HECW1: variants seen among roughly 807,000 people sequenced by gnomAD.
HECW1 encodes the protein E3 ubiquitin-protein ligase HECW1.
In HECW1, 61 loss-of-function variants were observed where a neutral mutation model predicts 182.3. The observed-to-expected ratio is 0.33, with a 90% CI of 0.27 to 0.41. The LOEUF (loss-of-function observed/expected upper bound fraction) is 0.41, where lower values mean the gene tolerates loss of function less well. HECW1 is among the 10% of genes least tolerant of loss of function. HECW1 has a pLI of 1.00. For synonymous variants in HECW1, 859 were observed against 832.6 expected (o/e 1.03, Z -0.55); for missense variants, 1,739 against 2,108.9 (o/e 0.82, Z 3.44).
intron 6 of HECW1, among the ~76,000 whole-genome samples, chr7:43,361,459 C>A (rs185374567): frequency 8.8e-4 from 134 of 152,214 alleles, no homozygotes; most frequent in African/African-American, 3.1e-3. Context: ...CCTGGAAAGA[C>A]CAGAATCTCT....
intron 23 of HECW1, 137 bp from the exon 24 acceptor site, chr7:43,508,832 T>G (rs1439410134): frequency 1.3e-6 from 1 of 781,890 alleles, no homozygotes; most frequent in African/African-American, 1.7e-5. Flanking sequence ...CCATTGGCAT[T>G]CACTCCAAAG....
At chr7:43,478,901 T>G (rs2078318738) in intron 16 of HECW1, among the ~76,000 whole-genome samples, 2 of 152,178 alleles carry the variant, frequency 1.3e-5, no homozygotes, top group African/African-American at 4.8e-5. Context: ...TTGAATAAAG[T>G]ATTATAGTCA....
intron 7 of HECW1, among the ~76,000 whole-genome samples, chr7:43,404,560 G>A (rs2075539023): frequency 6.6e-6 from 1 of 152,238 alleles, no homozygotes; most frequent in Non-Finnish European, 1.5e-5. Context: ...TGTTGGTGCA[G>A]ATGTGGACAA....
At chr7:43,345,585 C>G (rs2152802995) in intron 5 of HECW1, among the ~76,000 whole-genome samples, 1 of 152,210 alleles carries the variant, frequency 6.6e-6, no homozygotes, top group East Asian at 1.9e-4. Flanking sequence ...GATCCCCTCT[C>G]ACTCTTCCCC....
At chr7:43,457,810 A>G (rs536475153) in intron 13 of HECW1, among the ~76,000 whole-genome samples, 30 of 152,236 alleles carry the variant, frequency 2.0e-4, no homozygotes, top group African/African-American at 7.2e-4. Flanking sequence ...ATGGAAACAA[A>G]AAAATAAAAA....
intron 24 of HECW1, among the ~76,000 whole-genome samples, chr7:43,537,070 G>T (rs978046737): frequency 4.7e-4 from 72 of 152,176 alleles, no homozygotes; most frequent in African/African-American, 1.5e-3. Context: ...GAAAAAGAGG[G>T]GAGCAGTGCT....
intron 27 of HECW1, among the ~76,000 whole-genome samples, chr7:43,550,955 TG>T (rs2081799764): frequency 6.6e-6 from 1 of 152,078 alleles, no homozygotes; most frequent in African/African-American, 2.4e-5. Flanking sequence ...GTGAAGACAT[TG>T]GGGGGTATTG....
chr7:43,190,943 A>C (rs528303360), intron 2 of HECW1, among the ~76,000 whole-genome samples: 8 of 152,352 alleles, frequency 5.3e-5, no homozygotes, highest in African/African-American at 1.9e-4. Flanking sequence ...TCTGTGAAAG[A>C]CAAGAATATT....
intron 2 of HECW1, among the ~76,000 whole-genome samples, chr7:43,164,388 T>C (rs1790873622): frequency 6.6e-6 from 1 of 152,224 alleles, no homozygotes; most frequent in South Asian, 2.1e-4. Context: ...TTTGCATAAG[T>C]TGAGTTGAAG....
chr7:43,438,107 G>T lies in HECW1; in HGVS notation c.906G>T (p.Ser302=). Residue 302 remains serine, a synonymous_variant, in exon 9 of 30, where the codon TCG becomes TCT. Transcript: ENST00000395891. ...PIIKRFLGKL[S]MPVQRLLERH... is the part of the protein sequence containing the mutation. ...TCAAGCGCTTCTTGGGAAAGCTGTC[G>T]ATGCCCGTTCAAAGACTCCTGGAGA... 3 of 1,614,102 alleles carry T rather than the reference G, an allele frequency of 1.9e-6. No individual in the cohort carries two copies. Among genetic ancestry groups the T allele is most frequent in the Non-Finnish European group, 1.7e-6 (2 of 1,180,016 alleles).
chr7:43,466,331 C>A (rs2077778329), intron 14 of HECW1, 116 bp from the exon 15 acceptor site: 4 of 1,044,816 alleles, frequency 3.8e-6, no homozygotes, highest in Non-Finnish European at 5.7e-6. Context: ...TGGCCTAAAT[C>A]CAACAGTCTG....
In HECW1 at chr7:43,401,572, T is replaced by TTTTTTTG. The variant is rs1562935655; in HGVS notation, c.631+4689_631+4690insGTTTTTT. Among the ~76,000 whole-genome samples, 3 of 145,080 alleles carry TTTTTTTG rather than the reference T, an allele frequency of 2.1e-5. 1 individual carries two copies. The highest frequency in any genetic ancestry group is 4.6e-5 in the Non-Finnish European group (3 of 65,838). On this transcript the variant is annotated intron_variant, in intron 7 of 29. Coordinates refer to ENST00000395891, the MANE Select transcript of HECW1 (RefSeq NM_015052.5). Reference sequence around the variant, plus strand: ...GACAAATCTCATTTAAAAAGGTTTTTTTTTTTTTTTTTTTCCCCCAAATAT... The same window carrying TTTTTTTG: ...GACAAATCTCATTTAAAAAGGTTTTTTTTTTTGTTTTTTTTTTTTTTCCCCCAAATAT...
chr7:43,488,486 AAG>A (rs374544480), intron 17 of HECW1, among the ~76,000 whole-genome samples: 93 of 120,322 alleles, frequency 7.7e-4, no homozygotes, highest in South Asian at 1.0e-3. Flanking sequence ...GAAAGAAAGA[AAG>A]AGAAAGAAAG....
chr7:43,185,378 T>G (rs1314870404), intron 2 of HECW1, among the ~76,000 whole-genome samples: 1 of 151,762 alleles, frequency 6.6e-6, no homozygotes, highest in Non-Finnish European at 1.5e-5. Context: ...TCCAGCAAAT[T>G]AATCAAACTC....
intron 24 of HECW1, among the ~76,000 whole-genome samples, chr7:43,530,816 A>G (rs1219001288): frequency 6.6e-6 from 1 of 152,124 alleles, no homozygotes; most frequent in Non-Finnish European, 1.5e-5. Context: ...ATTGTTCGGC[A>G]TGATGCCCTT....
intron 2 of HECW1, chr7:43,194,465 C>G (rs1330775312): frequency 6.6e-6 from 1 of 152,104 alleles, no homozygotes; most frequent in East Asian, 1.9e-4. Flanking sequence ...GTTTTCCAGT[C>G]TTTACCAGAA....
At chr7:43,557,291 A>C (rs1010918612) in intron 29 of HECW1, among the ~76,000 whole-genome samples, 7 of 152,216 alleles carry the variant, frequency 4.6e-5, no homozygotes, top group African/African-American at 1.7e-4. Flanking sequence ...GGCAGCCTTC[A>C]GCTCTTTCCT....
intron 3 of HECW1, among the ~76,000 whole-genome samples, chr7:43,271,826 T>G (rs1246709188): frequency 6.6e-6 from 1 of 152,030 alleles, no homozygotes; most frequent in Non-Finnish European, 1.5e-5. Flanking sequence ...CAGTGTCATT[T>G]TTTACAGAAT....
chr7:43,130,907 G>A (rs1786845979), intron 2 of HECW1, among the ~76,000 whole-genome samples: 1 of 152,168 alleles, frequency 6.6e-6, no homozygotes, highest in Non-Finnish European at 1.5e-5. Context: ...AGTACTTTGT[G>A]TATATGTATG....
Sources: allele counts gnomAD v4.1 joint callset (sites outside exome capture counted in the v4.1 genomes callset), GRCh38; gene constraint gnomAD v4.1.1; transcripts MANE v1.5; gene names NCBI Gene and HGNC (gene_info 2026-07-23, HGNC 2026-07-21).